Variants in MEGF11 observed in about 807,000 individuals in gnomAD.
MEGF11 encodes the protein multiple EGF like domains 11, also known as multiple epidermal growth factor-like domains protein 11.
In MEGF11, 126 loss-of-function variants were observed where a neutral mutation model predicts 146.6. That is an observed-to-expected ratio of 0.86 (90% CI 0.74 to 1.00). The LOEUF (loss-of-function observed/expected upper bound fraction) is 1.00. Among genes scored for constraint, MEGF11 ranks in the 50% least tolerant of loss-of-function variants. The probability of loss-of-function intolerance (pLI) is 0.00; values close to 1 mark genes in which losing one functional copy is unlikely to be tolerated. For synonymous variants in MEGF11, 532 were observed against 583.4 expected, an observed-to-expected ratio of 0.91 and a Z score of 1.27; for missense variants, 1,509 against 1,521.2, an observed-to-expected ratio of 0.99 and a Z score of 0.13.
At chr15:66,130,730 G>GAGGGAGGGAGGAAGGAAGGA (rs56371892) in intron 1 of MEGF11, among the ~76,000 whole-genome samples, 18 of 140,978 alleles carry the variant, frequency 1.3e-4, no homozygotes, top group African/African-American at 2.1e-4. Flanking sequence ...AAGAGGGAGG[G>GAGGGAGGGAGGAAGGAAGGA]AGGAAGGAAG....
chr15:66,123,839 A>T, intron 3 of MEGF11, 60 bp downstream of exon 3: 1 of 1,413,568 alleles, frequency 7.1e-7, no homozygotes, highest in Non-Finnish European at 1.0e-6. Flanking sequence ...ACTTGCACAG[A>T]GGCAAGCCCT....
chr15:66,253,547 C>T (rs562722675), intron 1 of MEGF11, 58 bp downstream of exon 1: 11 of 152,244 alleles, frequency 7.2e-5, no homozygotes, highest in African/African-American at 2.6e-4. Flanking sequence ...CCCCGCGTCC[C>T]CTGGTGCCCC....
chr15:66,241,249 C>T (rs57771609), intron 1 of MEGF11, among the ~76,000 whole-genome samples: 12,120 of 152,194 alleles, frequency 0.08, 1,550 homozygotes, highest in African/African-American at 0.27. Context: ...AAGCTGGAGG[C>T]CCAGGGAGGG....
At chr15:65,901,066 T>C (rs1063697) in intron 24 of MEGF11, among the ~76,000 whole-genome samples, 21,666 of 152,186 alleles carry the variant, frequency 0.14, 1,797 homozygotes, top group Non-Finnish European at 0.19. Flanking sequence ...TGTGCACAGG[T>C]GACTTCATTT....
intron 5 of MEGF11, among the ~76,000 whole-genome samples, chr15:66,032,408 T>C (rs2051944382): frequency 6.6e-6 from 1 of 152,200 alleles, no homozygotes; most frequent in African/African-American, 2.4e-5. Flanking sequence ...CAGGAACAGT[T>C]CTGAAGTGAA....
At chr15:66,079,966 T>C (rs192765853) in intron 5 of MEGF11, among the ~76,000 whole-genome samples, 195 of 152,298 alleles carry the variant, frequency 1.3e-3, no homozygotes, top group African/African-American at 4.4e-3. Flanking sequence ...GGAGGCACTG[T>C]GGAAGAAACG....
chr15:66,201,237 C>T (rs143245174), intron 1 of MEGF11, among the ~76,000 whole-genome samples: 2 of 152,190 alleles, frequency 1.3e-5, no homozygotes, highest in Admixed American at 6.5e-5. Context: ...CTATCCCTCT[C>T]GCCCTGTTCT....
At chr15:65,926,927 G>A (rs1243953114) in intron 13 of MEGF11, among the ~76,000 whole-genome samples, 1 of 152,180 alleles carries the variant, frequency 6.6e-6, no homozygotes, top group Non-Finnish European at 1.5e-5. Flanking sequence ...AGCCAGCAGG[G>A]CAGGGGAAGC....
intron 5 of MEGF11, among the ~76,000 whole-genome samples, chr15:66,022,707 G>A (rs1463368441): frequency 6.6e-6 from 1 of 151,454 alleles, no homozygotes; most frequent in South Asian, 2.1e-4. Flanking sequence ...GCGCATGCCT[G>A]TACTTCTAGC....
chr15:66,218,912 A>C (rs1466192262), intron 1 of MEGF11, among the ~76,000 whole-genome samples: 1 of 149,504 alleles, frequency 6.7e-6, no homozygotes, highest in Non-Finnish European at 1.5e-5. Flanking sequence ...ACTGAAGCTT[A>C]AAAATGTTGG....
At chr15:66,079,238 G>A (rs1187393087) in intron 5 of MEGF11, among the ~76,000 whole-genome samples, 1 of 152,106 alleles carries the variant, frequency 6.6e-6, no homozygotes, top group African/African-American at 2.4e-5. Context: ...GATTTGTCTG[G>A]GATTTTCTTG....
At chr15:66,053,710 C>T (rs546858434) in intron 5 of MEGF11, among the ~76,000 whole-genome samples, 10 of 111,110 alleles carry the variant, frequency 9.0e-5, no homozygotes, top group African/African-American at 2.8e-4. Context: ...CCTCCCCTGG[C>T]ACCAATTTTT....
At chr15:66,193,861 A>G (rs2090942425) in intron 1 of MEGF11, among the ~76,000 whole-genome samples, 1 of 152,170 alleles carries the variant, frequency 6.6e-6, no homozygotes, top group South Asian at 2.1e-4. Context: ...CCATGAGTTT[A>G]GGGTCTGCAC....
At position 65,970,645 on chromosome 15, in the gene MEGF11, C is replaced by T; in HGVS notation, c.807G>A (p.Gln269=). ...AQPCPPGTFG[Q]NCSQDCPCHH... ...GGCAAGGACAATCCTGGCTGCAGTT[C>T]TGGCCAAATGTCCCTGGTGGGCAGG... is the stretch of plus-strand genomic sequence containing the variant. The change falls in exon 8 of 26, where the codon CAG becomes CAA. Residue 269 remains glutamine, a synonymous_variant. Transcript: ENST00000395614. 4 of 1,613,438 alleles carry T rather than the reference C, an allele frequency of 2.5e-6. No homozygotes were observed. Among genetic ancestry groups the T allele is most frequent in the Non-Finnish European group, 3.4e-6 (4 of 1,179,640 alleles).
At chr15:66,084,962 G>A (rs2086042369) in intron 5 of MEGF11, among the ~76,000 whole-genome samples, 1 of 152,198 alleles carries the variant, frequency 6.6e-6, no homozygotes, top group African/African-American at 2.4e-5. Flanking sequence ...GCGCGAAGGT[G>A]GCGGGGGAAG....
At chr15:65,997,134 G>A (rs2082223299) in intron 5 of MEGF11, among the ~76,000 whole-genome samples, 1 of 152,236 alleles carries the variant, frequency 6.6e-6, no homozygotes, top group Non-Finnish European at 1.5e-5. Flanking sequence ...CCAGTCAGAG[G>A]ACACTCTATC....
At chr15:65,924,079 T>C (rs937938647) in intron 13 of MEGF11, among the ~76,000 whole-genome samples, 43 of 151,928 alleles carry the variant, frequency 2.8e-4, no homozygotes, top group African/African-American at 8.2e-4. Flanking sequence ...AGAAAGACAC[T>C]CATGCCCAGT....
chr15:66,067,693 C>T (rs889948405), intron 5 of MEGF11, among the ~76,000 whole-genome samples: 3 of 152,204 alleles, frequency 2.0e-5, no homozygotes, highest in East Asian at 1.9e-4. Context: ...CCCATAAGCA[C>T]GCTAACAAAT....
chr15:66,213,457 T>C (rs1199723691), intron 1 of MEGF11, among the ~76,000 whole-genome samples: 14 of 152,232 alleles, frequency 9.2e-5, no homozygotes, highest in Admixed American at 9.2e-4. Flanking sequence ...ACAAAATTTC[T>C]GCCCTCGTGG....
Sources: allele counts gnomAD v4.1 joint callset (sites outside exome capture counted in the v4.1 genomes callset), GRCh38; gene constraint gnomAD v4.1.1; transcripts MANE v1.5; gene names NCBI Gene and HGNC (gene_info 2026-07-23, HGNC 2026-07-21).